RYR1: variants seen among roughly 807,000 people sequenced by gnomAD.
RYR1 encodes the protein ryanodine receptor 1, also known as central core disease of muscle.
RYR1 carries 342 observed loss-of-function variants against 583.5 expected under a neutral mutation model. The observed-to-expected ratio is 0.59, with a 90% confidence interval of 0.54 to 0.64. The LOEUF is 0.64. RYR1 is among the 30% of genes least tolerant of loss of function. RYR1 has a pLI of 0.00. For synonymous variants in RYR1, 2,791 were observed against 2,822.5 expected (o/e 0.99, Z 0.35); for missense variants, 6,032 against 6,917.2 (o/e 0.87, Z 4.54).
rs995399438 is a variant in RYR1 at position 38,442,373 on chromosome 19, T to C, written c.190T>C (p.Cys64Arg). 2 of 1,612,666 alleles carry C rather than the reference T, an allele frequency of 1.2e-6. No individual in the cohort carries two copies. The highest frequency in any genetic ancestry group is 1.7e-6 in the Non-Finnish European group (2 of 1,179,212). Residue 64 changes from cysteine (C) to arginine (R), a missense_variant, in exon 3 of 106, where the codon TGT becomes CGT. Physicochemically the swap from Cys to Arg is radical, Grantham distance 180. Coordinates refer to ENST00000359596, the MANE Select transcript of RYR1 (RefSeq NM_000540.3). Reference protein sequence around the residue: ...AQNVPPDLAICCFVLEQSLSV... With the variant: ...AQNVPPDLAIRCFVLEQSLSV... ...GAATGTGCCCCCCGATCTGGCCATC[T>C]GTTGCTTCGTCCTGGAGCAGTCCCT...
chr19:38,565,336 G>T lies in RYR1; in HGVS notation c.13002G>T (p.Ala4334=). The change falls in exon 91 of 106, where the codon GCG becomes GCT. Residue 4334 remains alanine (A), a synonymous_variant. Coordinates refer to ENST00000359596, the MANE Select transcript of RYR1 (RefSeq NM_000540.3). The surrounding 1 kb of genome is among the most constrained non-coding windows in gnomAD (Gnocchi z 4.7). ...GCGAGGCGGCCACCGCAGTGGCGGC[G>T]CTGCTCTGGGCAGCAGTGACGCGCG... ...TAREAATAVA[A]LLWAAVTRAG... 1 of 1,213,048 alleles carries T rather than the reference G, an allele frequency of 8.2e-7. No homozygotes were observed. 75.1% of individuals were successfully genotyped at this position (1,213,048 alleles called of 1,614,324 possible).
intron 63 of RYR1, among the ~76,000 whole-genome samples, chr19:38,514,489 C>T (rs1442560636): frequency 6.6e-6 from 1 of 151,582 alleles, no homozygotes; most frequent in Non-Finnish European, 1.5e-5. Flanking sequence ...CCATGTTGCC[C>T]AGGCTGGTCT....
intron 19 of RYR1, among the ~76,000 whole-genome samples, chr19:38,459,557 C>T (rs1236052576): frequency 6.6e-6 from 1 of 152,164 alleles, no homozygotes; most frequent in Non-Finnish European, 1.5e-5. Context: ...CACGTCCTTC[C>T]AGTAACCTCT....
chr19:38,517,740 C>A (rs551727823), intron 66 of RYR1, 49 bp downstream of exon 66: 13 of 1,562,554 alleles, frequency 8.3e-6, no homozygotes, highest in South Asian at 3.3e-5. Flanking sequence ...GCAGCCTGGG[C>A]TCCCTTGGCA....
At position 38,561,869 on chromosome 19, in the gene RYR1, C is replaced by T. The variant is rs912076712; in HGVS notation, c.12624+415C>T. Among the ~76,000 whole-genome samples, 6 of 152,136 alleles carry T rather than the reference C, an allele frequency of 3.9e-5. No individual in the cohort carries two copies. Among genetic ancestry groups the T allele is most frequent in the Admixed American group, 1.3e-4 (2 of 15,260 alleles). ...CCTTGCTCACCTTCCCAGTAGCCCC[C>T]GGCGTGCCGTCTCTTGGTCCTGGCC... On this transcript the variant is annotated intron_variant, in intron 90 of 105. Transcript: ENST00000359596. The surrounding 1 kb of genome is among the most constrained non-coding windows in gnomAD (Gnocchi z 4.8).
At chr19:38,556,821 C>T (rs1391328914) in intron 89 of RYR1, among the ~76,000 whole-genome samples, 1 of 152,122 alleles carries the variant, frequency 6.6e-6, no homozygotes, top group Non-Finnish European at 1.5e-5. Flanking sequence ...CTTGTGGTGT[C>T]ATTTCATGTG....
intron 84 of RYR1, among the ~76,000 whole-genome samples, chr19:38,539,407 T>G (rs554563285): frequency 2.6e-5 from 4 of 151,846 alleles, no homozygotes; most frequent in Admixed American, 2.0e-4. Context: ...TCTGGCTAAG[T>G]TTTTTATTTT....
rs73930596 is a variant in RYR1 at position 38,497,287 on chromosome 19, A to C, written c.6891+333A>C. ...ACTTCCGGGCTGGGGGCGGATCCGC[A>C]CGCTACGCTTCCGGGTTGGGGGCCG... is the stretch of plus-strand genomic sequence containing the variant. On this transcript the variant is annotated intron_variant, in intron 42 of 105. Coordinates refer to ENST00000359596, the MANE Select transcript of RYR1 (RefSeq NM_000540.3). 8.3e-3 allele frequency among the ~76,000 whole-genome samples: 1,256 copies of C among 152,238 alleles called. 16 individuals carry two copies. The highest frequency in any genetic ancestry group is 0.029 in the African/African-American group (1,206 of 41,532).
At position 38,528,409 on chromosome 19, in the gene RYR1, A is replaced by T. The variant is rs759835920; in HGVS notation, c.10928A>T (p.Asn3643Ile). 6.2e-7 allele frequency: 1 copy of T among 1,614,026 alleles called. No homozygotes were observed. Among genetic ancestry groups the T allele is most frequent in the Non-Finnish European group, 8.5e-7 (1 of 1,179,990 alleles). ...VACFRMTPLYNLPTHRACNMF... is the reference protein window; with the variant it reads ...VACFRMTPLYILPTHRACNMF... ...TGTTTCCGTATGACGCCCCTGTACA[A>T]CCTGCCCACGTAAGGCCCCCAGGGA... Residue 3643 changes from asparagine to isoleucine, a missense_variant, in exon 74 of 106, where the codon AAC becomes ATC. This residue lies in a region of RYR1 where 1,493 missense variants were observed against 1,715.5 expected (regional missense o/e 0.87). Transcript: ENST00000359596.
intron 1 of RYR1, 121 bp downstream of exon 1, chr19:38,433,995 A>T (rs79912670): frequency 2.3e-6 from 2 of 857,582 alleles, no homozygotes; most frequent in Non-Finnish European, 4.1e-6. Flanking sequence ...GTCTCTTCCT[A>T]TGTCACTTTG....
chr19:38,524,035 C>T (rs1971350476), intron 70 of RYR1, 106 bp downstream of exon 70: 2 of 1,271,176 alleles, frequency 1.6e-6, no homozygotes, highest in South Asian at 1.3e-5. Context: ...TGTTCCCCAC[C>T]CCCGTCCTCC....
chr19:38,544,245 G>T (rs1972330783), intron 87 of RYR1, among the ~76,000 whole-genome samples: 2 of 152,184 alleles, frequency 1.3e-5, no homozygotes, highest in Non-Finnish European at 2.9e-5. Flanking sequence ...TAGAGCCTGG[G>T]GCTGAGGAAA....
chr19:38,583,451 C>T (rs1166106940), intron 101 of RYR1, among the ~76,000 whole-genome samples: 17 of 149,880 alleles, frequency 1.1e-4, no homozygotes, highest in African/African-American at 3.9e-4. Context: ...GCACTCCAGC[C>T]TGGGCAACAG....
intron 61 of RYR1, 142 bp downstream of exon 61, chr19:38,511,752 G>A (rs1181494630): frequency 9.3e-7 from 1 of 1,070,228 alleles, no homozygotes; most frequent in Non-Finnish European, 1.4e-6. Context: ...CAGGTATCCG[G>A]GGGGTAGGGC....
chr19:38,538,062 G>A, intron 84 of RYR1, 102 bp downstream of exon 84: 1 of 1,052,648 alleles, frequency 9.5e-7, no homozygotes, highest in Non-Finnish European at 1.5e-6. Flanking sequence ...CCCGGTCAAT[G>A]ATGGCCACTC....
At chr19:38,523,635 CCCT>C (rs968446780) in intron 69 of RYR1, 87 of 606,612 alleles carry the variant, frequency 1.4e-4, no homozygotes, top group Middle Eastern at 7.3e-4. Flanking sequence ...CCTCCCATTT[CCCT>C]CCTCCTCCTC....
chr19:38,516,294 G>A, intron 65 of RYR1, 77 bp downstream of exon 65: 1 of 1,505,660 alleles, frequency 6.6e-7, no homozygotes, highest in Non-Finnish European at 9.0e-7. Context: ...CCCTAATTTG[G>A]GGGTAGTGTG....
rs11325385 is a variant in RYR1, at chr19:38,583,477, C to CA, written c.14647-1451dup. Among the ~76,000 whole-genome samples, 43 of 135,278 alleles carry CA rather than the reference C, an allele frequency of 3.2e-4. No homozygotes were observed. In the South Asian group the frequency reaches 5.8e-3, roughly 18 times the overall value. 88.7% of individuals were successfully genotyped at this position (135,278 alleles called of 152,430 possible). A position where few individuals can be genotyped will look rare whatever the true frequency, so the allele number is the denominator to read the frequency against. ...TGGGCAACAGAGCAAGACTCTGTCT[C>CA]AAAAAAAAAAAAAAACATATGTAAA... On this transcript the variant is annotated intron_variant, in intron 101 of 105. Coordinates refer to ENST00000359596, the MANE Select transcript of RYR1 (RefSeq NM_000540.3).
intron 31 of RYR1, among the ~76,000 whole-genome samples, chr19:38,479,788 T>C (rs1427267356): frequency 6.6e-6 from 1 of 152,022 alleles, no homozygotes; most frequent in Non-Finnish European, 1.5e-5. Context: ...AGATCACAGC[T>C]CACTGCAGCC....
Sources: allele counts gnomAD v4.1 joint callset (sites outside exome capture counted in the v4.1 genomes callset), GRCh38; gene constraint gnomAD v4.1.1; regional missense constraint gnomAD v4.1.1; non-coding constraint Gnocchi (gnomAD v3.1); transcripts MANE v1.5; gene names NCBI Gene and HGNC (gene_info 2026-07-23, HGNC 2026-07-21).